PARP8: variants seen among roughly 807,000 people sequenced by gnomAD.
PARP8 encodes the protein protein mono-ADP-ribosyltransferase PARP8.
A neutral mutation model predicts 124.1 loss-of-function variants in PARP8; 51 were observed. The observed-to-expected ratio is 0.41, with a 90% CI of 0.33 to 0.52. The LOEUF is 0.52. Ranked by LOEUF, PARP8 falls within the 20% of genes least tolerant of loss-of-function variation. The pLI is 0.21. For synonymous variants in PARP8, 391 were observed against 361.5 expected (o/e 1.08, Z -0.93); for missense variants, 860 against 1,018.9 (o/e 0.84, Z 2.12).
intron 2 of PARP8, among the ~76,000 whole-genome samples, chr5:50,715,224 A>G (rs1483972932): frequency 1.3e-5 from 2 of 152,030 alleles, no homozygotes; most frequent in African/African-American, 4.8e-5. Flanking sequence ...CATGGTCTTT[A>G]TGAAAGCACC....
Position 50,795,388 on chromosome 5 carries a change from C to T in PARP8, c.1399C>T (p.Pro467Ser). ...LTSGLIGILT[P>S]SSSSSSQLAP... ...CTCAGGGCTTATTGGTATCCTAACACCATCTTCATCTTCATCTTCTCAGCT... is the reference window on the plus strand; with the variant it reads ...CTCAGGGCTTATTGGTATCCTAACATCATCTTCATCTTCATCTTCTCAGCT... Residue 467 changes from proline (P) to serine (S), a missense_variant, in exon 12 of 26, where the codon CCA (proline) becomes TCA (serine). This residue lies in a region of PARP8 where 343 missense variants were observed against 474.7 expected (regional missense o/e 0.72). Coordinates refer to ENST00000281631, the MANE Select transcript of PARP8 (RefSeq NM_024615.4). 2 of 1,599,112 alleles carry T rather than the reference C, an allele frequency of 1.3e-6. No individual in the cohort carries two copies. The highest frequency in any genetic ancestry group is 1.7e-6 in the Non-Finnish European group (2 of 1,175,004).
chr5:50,678,244 T>A (rs1372218018), intron 2 of PARP8, among the ~76,000 whole-genome samples: 1 of 152,208 alleles, frequency 6.6e-6, no homozygotes, highest in African/African-American at 2.4e-5. Flanking sequence ...TATTTAATAA[T>A]GCTGCTGCAG....
intron 2 of PARP8, among the ~76,000 whole-genome samples, chr5:50,696,892 A>G (rs1399558974): frequency 6.6e-6 from 1 of 152,066 alleles, no homozygotes; most frequent in Non-Finnish European, 1.5e-5. Flanking sequence ...CATTGGACTT[A>G]ACTGTTCTTG....
At chr5:50,757,559 TG>T (rs1760101017) in intron 3 of PARP8, among the ~76,000 whole-genome samples, 1 of 152,124 alleles carries the variant, frequency 6.6e-6, no homozygotes, top group Non-Finnish European at 1.5e-5. Context: ...GGAAATTACA[TG>T]GGTTCTAATT....
chr5:50,801,208 C>T (rs1189023732), intron 14 of PARP8, among the ~76,000 whole-genome samples: 1 of 152,056 alleles, frequency 6.6e-6, no homozygotes, highest in African/African-American at 2.4e-5. Context: ...TCAAGTGATT[C>T]TCCTGCCTCA....
intron 2 of PARP8, among the ~76,000 whole-genome samples, chr5:50,704,391 G>T (rs1405322340): frequency 1.3e-5 from 2 of 152,080 alleles, no homozygotes; most frequent in Non-Finnish European, 2.9e-5. Flanking sequence ...AAACTGCTCT[G>T]ACCAAGATAT....
intron 2 of PARP8, among the ~76,000 whole-genome samples, chr5:50,729,659 G>T (rs1397346792): frequency 2.0e-5 from 3 of 152,092 alleles, no homozygotes; most frequent in African/African-American, 4.8e-5. Flanking sequence ...TTTTCAGTTA[G>T]GTGTGAATAT....
intron 14 of PARP8, among the ~76,000 whole-genome samples, chr5:50,802,628 T>TA (rs1743360756): frequency 6.6e-6 from 1 of 152,164 alleles, no homozygotes; most frequent in African/African-American, 2.4e-5. Flanking sequence ...TAATAATATA[T>TA]AAAAACTTTG....
chr5:50,792,061 C>G (rs1425630028), intron 10 of PARP8, among the ~76,000 whole-genome samples: 1 of 152,108 alleles, frequency 6.6e-6, no homozygotes, highest in Non-Finnish European at 1.5e-5. Context: ...GCCCTGGAAC[C>G]TTTGTTCACA....
rs570775336 is a variant in PARP8 at position 50,756,119 on chromosome 5, A to G, written c.185-3524A>G. Among the ~76,000 whole-genome samples the G allele has an allele frequency of 4.6e-5, 7 of 152,302 alleles. No individual in the cohort carries two copies. The South Asian group carries it at 8.3e-4, about 18-fold the overall frequency. ...GGTTTTCTAAATATACAACCATGTC[A>G]TCTGCAAACAGGGACAATTTGACTT... On this transcript the variant is annotated intron_variant, in intron 3 of 25. Transcript: ENST00000281631.
chr5:50,689,878 A>G (rs1752311551), intron 2 of PARP8, among the ~76,000 whole-genome samples: 1 of 152,180 alleles, frequency 6.6e-6, no homozygotes. Context: ...TTTTGGAAAT[A>G]CTATCATTCC....
At chr5:50,759,603 A>C in intron 3 of PARP8, 40 bp from the exon 4 acceptor site, 1 of 1,517,070 alleles carries the variant, frequency 6.6e-7, no homozygotes. Flanking sequence ...GTATTTTTTA[A>C]ACTTATGCCT....
intron 2 of PARP8, among the ~76,000 whole-genome samples, chr5:50,704,343 A>G (rs1753909446): frequency 1.3e-5 from 2 of 152,140 alleles, no homozygotes; most frequent in Admixed American, 1.3e-4. Flanking sequence ...GTCAGGACAT[A>G]ATCAGAAAAT....
intron 15 of PARP8, among the ~76,000 whole-genome samples, chr5:50,819,381 CAT>C (rs1355181169): frequency 1.4e-5 from 2 of 146,578 alleles, no homozygotes; most frequent in African/African-American, 5.0e-5. Context: ...CCATCTGTGT[CAT>C]TCCCCTCCTC....
At chr5:50,808,906 A>T (rs1262602478) in intron 14 of PARP8, among the ~76,000 whole-genome samples, 1 of 151,996 alleles carries the variant, frequency 6.6e-6, no homozygotes, top group Non-Finnish European at 1.5e-5. Flanking sequence ...ATGGATGAAA[A>T]AGCACAACCT....
intron 2 of PARP8, among the ~76,000 whole-genome samples, chr5:50,713,429 T>C (rs1440301425): frequency 6.6e-6 from 1 of 151,968 alleles, no homozygotes; most frequent in Non-Finnish European, 1.5e-5. Context: ...TTTGTAGAGA[T>C]GGGGTTTTGC....
At chr5:50,683,796 G>A (rs371595721) in intron 2 of PARP8, among the ~76,000 whole-genome samples, 13 of 152,102 alleles carry the variant, frequency 8.5e-5, no homozygotes, top group African/African-American at 1.4e-4. Flanking sequence ...TACCTTCTCC[G>A]TTAAAATATG....
At chr5:50,833,513 A>G (rs575809765) in intron 23 of PARP8, 23 of 195,492 alleles carry the variant, frequency 1.2e-4, no homozygotes, top group Non-Finnish European at 2.0e-4. Context: ...CTAATATCTG[A>G]AAAAAAAAAA....
chr5:50,680,703 CTT>C (rs1338221011), intron 2 of PARP8, among the ~76,000 whole-genome samples: 1 of 152,116 alleles, frequency 6.6e-6, no homozygotes, highest in African/African-American at 2.4e-5. Flanking sequence ...ATGTTGGTAA[CTT>C]AGCCTTCTCC....
Sources: gnomAD v4.1 joint callset for allele counts (sites outside exome capture counted in the v4.1 genomes callset) on GRCh38, gnomAD v4.1.1 for gene constraint, gnomAD v4.1.1 regional missense constraint, MANE v1.5 for transcripts, NCBI Gene and HGNC (gene_info 2026-07-23, HGNC 2026-07-21) for gene names.